NRXN1: variants seen among roughly 807,000 people sequenced by gnomAD.
NRXN1 encodes neurexin 1.
NRXN1 carries 39 observed loss-of-function variants against 150.9 expected under a neutral mutation model. The observed-to-expected ratio is 0.26, with a 90% CI of 0.20 to 0.34. NRXN1 has a LOEUF of 0.34. NRXN1 is among the 10% of genes least tolerant of loss of function. The pLI is 1.00. For synonymous variants in NRXN1, 924 were observed against 757.0 expected, an observed-to-expected ratio of 1.22 and a Z score of -3.62; for missense variants, 1,815 against 1,949.9, an observed-to-expected ratio of 0.93 and a Z score of 1.30.
At chr2:50,873,889 T>C (rs1206318875) in intron 5 of NRXN1, among the ~76,000 whole-genome samples, 1 of 151,730 alleles carries the variant, frequency 6.6e-6, no homozygotes, top group African/African-American at 2.4e-5. Flanking sequence ...CAGAAACCAG[T>C]GAATGAAATA....
chr2:50,634,217 A>G (rs1204901012), intron 5 of NRXN1, among the ~76,000 whole-genome samples: 1 of 152,232 alleles, frequency 6.6e-6, no homozygotes, highest in Admixed American at 6.5e-5. Flanking sequence ...TCTCAAAAAT[A>G]TAACTCTGTC....
At chr2:50,620,296 CT>C in intron 7 of NRXN1, 113 bp from the exon 8 acceptor site, 2 of 1,190,496 alleles carry the variant, frequency 1.7e-6, no homozygotes, top group South Asian at 3.4e-5. Flanking sequence ...TTTTGTTTTG[CT>C]TTTTTCTTTT....
intron 2 of NRXN1, among the ~76,000 whole-genome samples, chr2:50,994,843 AAATAACCTG>A (rs1393541358): frequency 3.3e-5 from 5 of 152,184 alleles, no homozygotes; most frequent in African/African-American, 1.2e-4. Context: ...ACAGGATACA[AAATAACCTG>A]AACCTTACTT....
chr2:50,091,290 A>G, intron 19 of NRXN1, 33 bp downstream of exon 19: 3 of 1,612,962 alleles, frequency 1.9e-6, no homozygotes, highest in Middle Eastern at 1.7e-4. Flanking sequence ...GTTTTTCATA[A>G]AATCTTCCCC....
At chr2:50,702,169 T>C (rs1302774927) in intron 5 of NRXN1, among the ~76,000 whole-genome samples, 1 of 152,106 alleles carries the variant, frequency 6.6e-6, no homozygotes, top group Non-Finnish European at 1.5e-5. Context: ...ATTCACCGTG[T>C]CCATTATTAT....
In NRXN1 at chr2:50,619,976, G is replaced by A. The variant is rs1679703374; in HGVS notation, c.1320+46C>T. 4 of 1,485,958 alleles carry A rather than the reference G, an allele frequency of 2.7e-6. No homozygotes were observed. In the East Asian group the frequency reaches 9.4e-5, roughly 35 times the overall value. The allele number at this position is 1,485,958 out of a possible 1,614,324, so 92.0% of individuals were successfully genotyped here. ...GGTGCTTTCATGCTGGATCTGAAAT[G>A]ATGAGACCATGAATTAGGAATGATT... On this transcript the variant is annotated intron_variant, in intron 8 of 22. Transcript: ENST00000401669.
intron 5 of NRXN1, among the ~76,000 whole-genome samples, chr2:50,797,965 C>A (rs62140600): frequency 0.094 from 14,301 of 152,168 alleles, 732 homozygotes; most frequent in Middle Eastern, 0.13. Flanking sequence ...GCTCACATAA[C>A]TCAACTATTT....
chr2:50,951,216 G>A (rs546569443), intron 2 of NRXN1, among the ~76,000 whole-genome samples: 1 of 152,288 alleles, frequency 6.6e-6, no homozygotes, highest in Admixed American at 6.5e-5. Context: ...TGAGATGAGA[G>A]GAGATGAGAT....
chr2:50,745,012 T>A (rs961710460), intron 5 of NRXN1, among the ~76,000 whole-genome samples: 10 of 152,104 alleles, frequency 6.6e-5, no homozygotes, highest in African/African-American at 2.4e-4. Flanking sequence ...TATAAGCACA[T>A]AGTCTCCAAC....
At chr2:50,032,904 C>T (rs747408129) in intron 21 of NRXN1, among the ~76,000 whole-genome samples, 1 of 151,554 alleles carries the variant, frequency 6.6e-6, no homozygotes, top group Non-Finnish European at 1.5e-5. Flanking sequence ...TTAAGCTACT[C>T]AGTCTGCAGT....
At chr2:50,263,649 G>A (rs2068540637) in intron 17 of NRXN1, among the ~76,000 whole-genome samples, 1 of 152,072 alleles carries the variant, frequency 6.6e-6, no homozygotes, top group African/African-American at 2.4e-5. Context: ...TTTGACCACT[G>A]AAGGTGAAGG....
At chr2:50,667,330 T>G (rs1165398732) in intron 5 of NRXN1, among the ~76,000 whole-genome samples, 1 of 151,954 alleles carries the variant, frequency 6.6e-6, no homozygotes, top group Non-Finnish European at 1.5e-5. Flanking sequence ...TCTATTAACA[T>G]TTAGTAAAGT....
chr2:50,346,896 G>C lies in NRXN1; in HGVS notation c.3365-109926C>G, dbSNP rs1480490773. The C allele has an allele frequency of 1.5e-6, 2 of 1,301,166 alleles. No individual in the cohort carries two copies. Among genetic ancestry groups the C allele is most frequent in the Non-Finnish European group, 1.9e-6 (2 of 1,026,060 alleles). 80.6% of individuals were successfully genotyped at this position (1,301,166 alleles called of 1,614,324 possible). On this transcript the variant is annotated intron_variant, in intron 17 of 22. Coordinates refer to ENST00000401669, the MANE Select transcript of NRXN1 (RefSeq NM_001330078.2). This position sits in a 1 kb window ranked among gnomAD's most constrained non-coding sequence, Gnocchi z 5.0. ...CGCCGCCGCCGCCGCCGCCGCCGCC[G>C]CCGCCCCCGGGCGAGCCCAGCTCGG...
chr2:49,939,572 G>A (rs1177838967), intron 22 of NRXN1, among the ~76,000 whole-genome samples: 1 of 152,162 alleles, frequency 6.6e-6, no homozygotes. Context: ...TCCCACCCAG[G>A]ATGTTGACCC....
chr2:50,475,264 C>T (rs893348332), intron 15 of NRXN1, among the ~76,000 whole-genome samples: 4 of 152,080 alleles, frequency 2.6e-5, no homozygotes, highest in African/African-American at 2.4e-5. Flanking sequence ...CAATCTTCCT[C>T]TGTCTGACTG....
chr2:50,016,219 A>G (rs1245154759), intron 21 of NRXN1, among the ~76,000 whole-genome samples: 1 of 152,174 alleles, frequency 6.6e-6, no homozygotes, highest in Non-Finnish European at 1.5e-5. Context: ...AGGAAACAAG[A>G]TAAAATGTAT....
At chr2:50,373,619 G>GAAAGAAA (rs1558619726) in intron 17 of NRXN1, among the ~76,000 whole-genome samples, 2 of 108,190 alleles carry the variant, frequency 1.8e-5, no homozygotes, top group East Asian at 5.9e-4. Flanking sequence ...AAGAGAGAGA[G>GAAAGAAA]AGAAAGAAAA....
intron 13 of NRXN1, among the ~76,000 whole-genome samples, chr2:50,501,579 T>A (rs1190412453): frequency 2.0e-5 from 3 of 152,108 alleles, no homozygotes; most frequent in Non-Finnish European, 4.4e-5. Context: ...GATGCCTGGC[T>A]TTCAGGCTTG....
At chr2:50,451,404 C>G (rs2086952268) in intron 17 of NRXN1, among the ~76,000 whole-genome samples, 1 of 152,192 alleles carries the variant, frequency 6.6e-6, no homozygotes, top group African/African-American at 2.4e-5. Flanking sequence ...TGCTCATTCA[C>G]TGAACGAGGT....
Sources: gnomAD v4.1 joint callset for allele counts (sites outside exome capture counted in the v4.1 genomes callset) on GRCh38, gnomAD v4.1.1 for gene constraint, Gnocchi (gnomAD v3.1) non-coding constraint, MANE v1.5 for transcripts, NCBI Gene and HGNC (gene_info 2026-07-23, HGNC 2026-07-21) for gene names.